The following OSBPL6 variants were observed in gnomAD, a reference collection of about 807,000 sequenced individuals.
The protein encoded by OSBPL6 is oxysterol binding protein like 6.
OSBPL6 carries 49 observed loss-of-function variants against 125.8 expected under a neutral mutation model. The observed-to-expected ratio is 0.39, with a 90% confidence interval of 0.31 to 0.49. The LOEUF is 0.49. Ranked by LOEUF, OSBPL6 falls within the 20% of genes least tolerant of loss-of-function variation. The probability of loss-of-function intolerance (pLI) is 0.88; values close to 1 mark genes in which losing one functional copy is unlikely to be tolerated. For synonymous variants in OSBPL6, 394 were observed against 391.8 expected (o/e 1.01, Z -0.07); for missense variants, 986 against 1,135.4 (o/e 0.87, Z 1.89).
At position 178,324,137 on chromosome 2, in the gene OSBPL6, G is replaced by A. The variant is rs113814996; in HGVS notation, c.103-40G>A. ...CCCCATGCACATTCACATGAAAAGT[G>A]AGTTGTCTAACCCTGGGCTATGTTT... is the stretch of plus-strand genomic sequence containing the variant. On this transcript the variant is annotated intron_variant, in intron 3 of 24. Transcript: ENST00000190611. 528 of 1,295,446 alleles carry A rather than the reference G, an allele frequency of 4.1e-4. 2 individuals are homozygous for A. The African/African-American group carries it at 5.5e-3, about 13-fold the overall frequency. 80.2% of individuals were successfully genotyped at this position (1,295,446 alleles called of 1,614,324 possible).
chr2:178,203,579 A>G (rs1040490421), intron 1 of OSBPL6, among the ~76,000 whole-genome samples: 1 of 152,174 alleles, frequency 6.6e-6, no homozygotes, highest in African/African-American at 2.4e-5. Context: ...TCTCCTTACC[A>G]TGAGTCATAT....
intron 5 of OSBPL6, 35 bp from the exon 6 acceptor site, chr2:178,331,517 T>C (rs1003420389): frequency 6.2e-6 from 10 of 1,610,638 alleles, no homozygotes; most frequent in Non-Finnish European, 8.5e-6. Context: ...TAATTCAAAA[T>C]ACAGACAGTA....
chr2:178,349,168 GA>G, intron 11 of OSBPL6, 55 bp from the exon 12 acceptor site: 1 of 1,544,594 alleles, frequency 6.5e-7, no homozygotes, highest in Non-Finnish European at 9.0e-7. Flanking sequence ...TTCTATGTAG[GA>G]GAATGTGAAA....
chr2:178,392,466 A>G lies in OSBPL6; in HGVS notation c.2501A>G (p.Glu834Gly), dbSNP rs1289542296. The change falls in exon 23 of 25, where the codon GAG becomes GGG. Residue 834 changes from glutamate to glycine, a missense_variant. Coordinates refer to ENST00000190611, the MANE Select transcript of OSBPL6 (RefSeq NM_032523.4). Reference protein sequence around the residue: ...LYYGFTRFAIELNELDPVLKD... With the variant: ...LYYGFTRFAIGLNELDPVLKD... ...TATGGCTTCACAAGGTTTGCTATTG[A>G]GCTCAATGAGTTAGATCCAGTACTA... is the stretch of plus-strand genomic sequence containing the variant. 1 of 1,614,108 alleles carries G rather than the reference A, an allele frequency of 6.2e-7. No individual in the cohort carries two copies. The highest frequency in any genetic ancestry group is 2.2e-5 in the East Asian group (1 of 44,876).
chr2:178,215,192 T>C (rs769766689), intron 1 of OSBPL6, among the ~76,000 whole-genome samples: 4 of 152,184 alleles, frequency 2.6e-5, no homozygotes, highest in Non-Finnish European at 5.9e-5. Context: ...GGGTTTCTTA[T>C]TAGTTATGAG....
intron 1 of OSBPL6, among the ~76,000 whole-genome samples, chr2:178,212,562 G>C (rs183688122): frequency 3.3e-4 from 50 of 152,320 alleles, no homozygotes; most frequent in African/African-American, 1.2e-3. Flanking sequence ...ACTTCAGAAA[G>C]TACAGCTGGT....
At chr2:178,255,962 T>C (rs1411160409) in intron 1 of OSBPL6, among the ~76,000 whole-genome samples, 1 of 152,186 alleles carries the variant, frequency 6.6e-6, no homozygotes, top group Non-Finnish European at 1.5e-5. Context: ...GGTTTGACCT[T>C]GATAACTGAT....
At chr2:178,374,868 C>T (rs1293453288) in intron 15 of OSBPL6, among the ~76,000 whole-genome samples, 1 of 152,038 alleles carries the variant, frequency 6.6e-6, no homozygotes, top group Non-Finnish European at 1.5e-5. Context: ...GAAACAAAGA[C>T]AAAGTGGAAA....
At chr2:178,309,739 T>C (rs766195116) in intron 3 of OSBPL6, among the ~76,000 whole-genome samples, 2 of 152,228 alleles carry the variant, frequency 1.3e-5, no homozygotes, top group Non-Finnish European at 2.9e-5. Context: ...AACTGGCTCT[T>C]TGTGTGTGTG....
intron 17 of OSBPL6, 23 bp from the exon 18 acceptor site, chr2:178,384,016 C>G (rs529950390): frequency 6.2e-7 from 1 of 1,611,016 alleles, no homozygotes; most frequent in East Asian, 2.2e-5. Flanking sequence ...TATATTATTC[C>G]CTTTTCTTCA....
intron 1 of OSBPL6, among the ~76,000 whole-genome samples, chr2:178,229,180 T>C (rs1438652525): frequency 6.6e-6 from 1 of 152,134 alleles, no homozygotes; most frequent in Non-Finnish European, 1.5e-5. Flanking sequence ...GAATGTGACA[T>C]GAATCCCTCT....
At chr2:178,382,174 T>G (rs1186090998) in intron 15 of OSBPL6, among the ~76,000 whole-genome samples, 4 of 152,188 alleles carry the variant, frequency 2.6e-5, no homozygotes, top group Non-Finnish European at 5.9e-5. Context: ...TCTGGTTCTT[T>G]ACTGGTCTCC....
intron 1 of OSBPL6, among the ~76,000 whole-genome samples, chr2:178,254,260 G>A (rs1481385085): frequency 6.6e-6 from 1 of 152,042 alleles, no homozygotes; most frequent in Non-Finnish European, 1.5e-5. Context: ...AGGCGTGGTG[G>A]TAGGCACCTG....
intron 15 of OSBPL6, among the ~76,000 whole-genome samples, chr2:178,379,777 G>A (rs62176089): frequency 0.062 from 9,369 of 152,132 alleles, 326 homozygotes; most frequent in East Asian, 0.18. Context: ...AGGAACTGTG[G>A]GAACCAGTTG....
At chr2:178,292,296 C>G (rs1271761001) in intron 2 of OSBPL6, among the ~76,000 whole-genome samples, 1 of 152,028 alleles carries the variant, frequency 6.6e-6, no homozygotes, top group Non-Finnish European at 1.5e-5. Flanking sequence ...ATAAGTCTAA[C>G]TTTGATGGTA....
chr2:178,291,582 G>A (rs1203849697), intron 2 of OSBPL6, among the ~76,000 whole-genome samples: 1 of 152,142 alleles, frequency 6.6e-6, no homozygotes, highest in Non-Finnish European at 1.5e-5. Flanking sequence ...AAGTGACCAA[G>A]TGCATTGTTT....
chr2:178,374,028 G>A lies in OSBPL6; in HGVS notation c.1533+1G>A, dbSNP rs1277694884. ...CTCTGCAAGTTCGTCAGAGAATGAG[G>A]TATGTATGCCTCCTTGACTTGTTGG... On this transcript the variant is annotated splice_donor_variant, in intron 15 of 24. Transcript: ENST00000190611. LOFTEE classifies it high-confidence loss of function. The A allele has an allele frequency of 3.7e-6, 6 of 1,613,732 alleles. No individual in the cohort carries two copies. Among genetic ancestry groups the A allele is most frequent in the Non-Finnish European group, 5.1e-6 (6 of 1,179,854 alleles).
rs550657272 is a variant in OSBPL6, at chr2:178,389,004, A to C, written c.2157-5A>C. 35 of 1,613,134 alleles carry C rather than the reference A, an allele frequency of 2.2e-5. 1 individual carries two copies. The South Asian group carries it at 2.9e-4, about 13-fold the overall frequency. On this transcript the variant is annotated splice_polypyrimidine_tract_variant and splice_region_variant and intron_variant, in intron 20 of 24. Transcript: ENST00000190611. ...GTTTTTCATCAGTGTTACATTCTTCACTAGGTATGGAGATTACTATGTGTG... is the reference window on the plus strand; with the variant it reads ...GTTTTTCATCAGTGTTACATTCTTCCCTAGGTATGGAGATTACTATGTGTG...
intron 1 of OSBPL6, among the ~76,000 whole-genome samples, chr2:178,266,860 T>C (rs1027585154): frequency 6.6e-6 from 1 of 152,194 alleles, no homozygotes; most frequent in Non-Finnish European, 1.5e-5. Flanking sequence ...TTAAATCTTT[T>C]CCACATTAGT....
Sources: allele counts gnomAD v4.1 joint callset (sites outside exome capture counted in the v4.1 genomes callset), GRCh38; gene constraint gnomAD v4.1.1; transcripts MANE v1.5; gene names NCBI Gene and HGNC (gene_info 2026-07-23, HGNC 2026-07-21).